Variants in NTN4 observed in about 807,000 individuals in gnomAD.
NTN4 encodes the protein netrin 4, also known as netrin-4.
Under a neutral mutation model 73.6 loss-of-function variants are expected in NTN4, and 32 were observed. That is an observed-to-expected ratio of 0.44 (90% CI 0.33 to 0.58). The LOEUF (loss-of-function observed/expected upper bound fraction) is 0.58, where lower values mean the gene tolerates loss of function less well. NTN4 is among the 20% of genes least tolerant of loss of function. The pLI is 0.04. For missense variants in NTN4, 654 were observed against 798.3 expected, an observed-to-expected ratio of 0.82 and a Z score of 2.18; for synonymous variants, 258 against 287.5, an observed-to-expected ratio of 0.90 and a Z score of 1.04.
chr12:95,759,784 T>A (rs1192944135), intron 2 of NTN4, among the ~76,000 whole-genome samples: 1 of 152,088 alleles, frequency 6.6e-6, no homozygotes. Flanking sequence ...TTTTTTAAAT[T>A]TCAGATATTG....
Position 95,790,124 on chromosome 12 carries a change from T to C in NTN4, c.55+131A>G, listed in dbSNP as rs1305871629. 1 of 685,850 alleles carries C rather than the reference T, an allele frequency of 1.5e-6. No homozygotes were observed. The highest frequency in any genetic ancestry group is 2.3e-6 in the Non-Finnish European group (1 of 428,110). The allele number at this position is 685,850 out of a possible 1,614,324, so 42.5% of individuals were successfully genotyped here. ...AGCCCCGGGGAAAGGAGGCGGAACA[T>C]GGCCACTCATTTCACCCTCGGGAGC... On this transcript the variant is annotated intron_variant, in intron 1 of 9. Coordinates refer to ENST00000343702, the MANE Select transcript of NTN4 (RefSeq NM_021229.4). The surrounding 1 kb of genome is among the most constrained non-coding windows in gnomAD (Gnocchi z 6.5).
At chr12:95,774,226 T>C (rs1481882951) in intron 2 of NTN4, among the ~76,000 whole-genome samples, 1 of 151,974 alleles carries the variant, frequency 6.6e-6, no homozygotes. Context: ...TCTAATCATA[T>C]AAATAACTTC....
At chr12:95,676,925 A>G (rs954030685) in intron 7 of NTN4, among the ~76,000 whole-genome samples, 4 of 152,170 alleles carry the variant, frequency 2.6e-5, no homozygotes, top group African/African-American at 9.7e-5. Context: ...CTCTATGCCA[A>G]TACAATTTTT....
At chr12:95,659,968 C>A (rs796501111) in intron 9 of NTN4, among the ~76,000 whole-genome samples, 11 of 152,136 alleles carry the variant, frequency 7.2e-5, no homozygotes, top group African/African-American at 2.6e-4. Flanking sequence ...TGGATACTCA[C>A]TGTGTATGGT....
chr12:95,782,708 T>A (rs1465553752), intron 2 of NTN4, among the ~76,000 whole-genome samples: 1 of 152,246 alleles, frequency 6.6e-6, no homozygotes, highest in Non-Finnish European at 1.5e-5. Flanking sequence ...TACATTTTCA[T>A]AATGCCCTGG....
intron 2 of NTN4, among the ~76,000 whole-genome samples, chr12:95,742,353 G>A (rs1199366164): frequency 3.3e-5 from 5 of 150,080 alleles, no homozygotes; most frequent in African/African-American, 1.2e-4. Flanking sequence ...AATTAGCCAG[G>A]CATGGTGGCG....
At chr12:95,710,382 T>C (rs1186414878) in intron 5 of NTN4, 59 bp downstream of exon 5, 1 of 1,377,914 alleles carries the variant, frequency 7.3e-7, no homozygotes, top group Non-Finnish European at 1.0e-6. Context: ...GAATGAGGGA[T>C]AAAGAGATTC....
intron 5 of NTN4, among the ~76,000 whole-genome samples, chr12:95,687,403 TG>T (rs1264799080): frequency 1.4e-5 from 2 of 144,764 alleles, no homozygotes; most frequent in African/African-American, 2.5e-5. Flanking sequence ...TTTGTTTTTT[TG>T]TTTTTTTGTT....
At chr12:95,712,233 GC>G (rs2078569822) in intron 4 of NTN4, among the ~76,000 whole-genome samples, 1 of 152,042 alleles carries the variant, frequency 6.6e-6, no homozygotes, top group Non-Finnish European at 1.5e-5. Flanking sequence ...TTAATCTCCA[GC>G]CTCAAACCTC....
chr12:95,672,316 C>A (rs78920805), intron 7 of NTN4: 112,493 of 780,902 alleles, frequency 0.14, 9,064 homozygotes, highest in Non-Finnish European at 0.17. Context: ...TGGCCGCCTA[C>A]AAACTGGTGC....
intron 2 of NTN4, among the ~76,000 whole-genome samples, chr12:95,753,549 C>G (rs2078925831): frequency 1.4e-5 from 2 of 147,840 alleles, no homozygotes; most frequent in South Asian, 2.3e-4. Flanking sequence ...CTTCCCACCT[C>G]TATACAGTCT....
intron 9 of NTN4, among the ~76,000 whole-genome samples, chr12:95,662,403 T>C (rs932912508): frequency 3.9e-5 from 6 of 151,946 alleles, no homozygotes; most frequent in Non-Finnish European, 8.8e-5. Context: ...CTAATTTTTG[T>C]ATTTTCTGTT....
intron 7 of NTN4, chr12:95,672,188 G>A (rs1435554258): frequency 1.9e-6 from 1 of 533,218 alleles, no homozygotes; most frequent in Admixed American, 3.2e-5. Context: ...GAGCACGCAG[G>A]CGCAATGGTC....
intron 8 of NTN4, among the ~76,000 whole-genome samples, chr12:95,666,416 GAAATA>G (rs1395435019): frequency 6.6e-6 from 1 of 151,980 alleles, no homozygotes; most frequent in African/African-American, 2.4e-5. Context: ...CAAAACTATT[GAAATA>G]AAATAAAATA....
rs182505563 is a variant in NTN4 at position 95,755,137 on chromosome 12, G to C, written c.586-16993C>G. Reference sequence around the variant, plus strand: ...GTTCCTAAAATATATGTAATTCGCAGACTAGTTTTTGTATTGTCACCTCAC... The same window carrying C: ...GTTCCTAAAATATATGTAATTCGCACACTAGTTTTTGTATTGTCACCTCAC... On this transcript the variant is annotated intron_variant, in intron 2 of 9. Coordinates refer to ENST00000343702, the MANE Select transcript of NTN4 (RefSeq NM_021229.4). Among the ~76,000 whole-genome samples the C allele has an allele frequency of 9.5e-4, 144 of 152,290 alleles. 1 individual carries two copies. Among genetic ancestry groups the C allele is most frequent in the Admixed American group, 3.6e-3 (55 of 15,304 alleles).
intron 3 of NTN4, among the ~76,000 whole-genome samples, chr12:95,726,050 G>A (rs2078691369): frequency 6.6e-6 from 1 of 150,716 alleles, no homozygotes; most frequent in Non-Finnish European, 1.5e-5. Context: ...AACCCACCAT[G>A]TTTGTTTTTC....
At chr12:95,689,722 T>A (rs990781560) in intron 5 of NTN4, among the ~76,000 whole-genome samples, 1 of 152,238 alleles carries the variant, frequency 6.6e-6, no homozygotes, top group Non-Finnish European at 1.5e-5. Flanking sequence ...GTAGCTCCAC[T>A]TGCCCACAAG....
chr12:95,751,701 A>G (rs182308321), intron 2 of NTN4, among the ~76,000 whole-genome samples: 336 of 152,108 alleles, frequency 2.2e-3, no homozygotes, highest in African/African-American at 7.5e-3. Flanking sequence ...ACGGACGCCA[A>G]GCTTCAGGTA....
intron 3 of NTN4, among the ~76,000 whole-genome samples, chr12:95,725,008 T>TTTTTTTTTC: frequency 8.6e-6 from 1 of 116,730 alleles, no homozygotes; most frequent in South Asian, 2.8e-4. Flanking sequence ...TCATCAGGAT[T>TTTTTTTTTC]TTTTTTTTTT....
Sources: allele counts gnomAD v4.1 joint callset (sites outside exome capture counted in the v4.1 genomes callset), GRCh38; gene constraint gnomAD v4.1.1; non-coding constraint Gnocchi (gnomAD v3.1); transcripts MANE v1.5; gene names NCBI Gene and HGNC (gene_info 2026-07-23, HGNC 2026-07-21).